Variants in UPRT observed in about 807,000 individuals in gnomAD.
UPRT encodes the protein RP11-311P8.3.
UPRT carries 5 observed loss-of-function variants against 22.6 expected under a neutral mutation model. That is an observed-to-expected ratio of 0.22 (90% CI 0.12 to 0.47). The LOEUF is 0.47. UPRT is among the 20% of genes least tolerant of loss of function. The pLI, the probability that UPRT is intolerant of heterozygous loss-of-function variation, is 0.99. For missense variants in UPRT, 181 were observed against 239.9 expected, an observed-to-expected ratio of 0.75 and a Z score of 1.62; for synonymous variants, 77 against 87.7, an observed-to-expected ratio of 0.88 and a Z score of 0.68.
intron 4 of UPRT, among the ~76,000 whole-genome samples, chrX:75,240,524 A>C (rs776558878): frequency 8.9e-6 from 1 of 112,081 alleles, no homozygotes; most frequent in Non-Finnish European, 1.9e-5. Context: ...CTATAAATTC[A>C]ATGCAATTCC....
intron 4 of UPRT, among the ~76,000 whole-genome samples, chrX:75,235,647 G>A (rs1034415626): frequency 4.5e-5 from 5 of 111,559 alleles, no homozygotes; most frequent in Admixed American, 9.5e-5. Flanking sequence ...TTCAATATAC[G>A]CAAATCAATA....
chrX:75,235,080 T>C (rs1472260629), intron 4 of UPRT, among the ~76,000 whole-genome samples: 6 of 109,385 alleles, frequency 5.5e-5, no homozygotes, highest in Non-Finnish European at 1.9e-5. Context: ...ATCAAATAGA[T>C]GCAAAAAAAA....
chrX:75,245,218 A>G (rs767586297), intron 4 of UPRT, among the ~76,000 whole-genome samples: 1 of 109,272 alleles, frequency 9.2e-6, no homozygotes, highest in Non-Finnish European at 1.9e-5. Flanking sequence ...AATCAAAACC[A>G]TAATGGGATA....
chrX:75,183,584 T>C (rs2082278720), intron 4 of UPRT, among the ~76,000 whole-genome samples: 1 of 111,964 alleles, frequency 8.9e-6, no homozygotes, highest in East Asian at 2.8e-4. Flanking sequence ...TCTAGATCCT[T>C]GAGGAATCGC....
rs760203405 is a variant in UPRT, at chrX:75,250,416, A to G, written c.-446-40608A>G. Among the ~76,000 whole-genome samples the G allele has an allele frequency of 2.0e-4, 22 of 111,288 alleles. 1 individual carries two copies. In the East Asian group the frequency reaches 5.4e-3, roughly 27 times the overall value. ...CCCACAGAAATACAAACTACCATGAAAGAATACTATAAACACCTCTATGCA... is the reference window on the plus strand; with the variant it reads ...CCCACAGAAATACAAACTACCATGAGAGAATACTATAAACACCTCTATGCA... On this transcript the variant is annotated intron_variant, in intron 4 of 13. Transcript: ENST00000652605.
At chrX:75,230,778 T>A (rs1191538654) in intron 4 of UPRT, among the ~76,000 whole-genome samples, 1 of 111,613 alleles carries the variant, frequency 9.0e-6, no homozygotes, top group African/African-American at 3.3e-5. Context: ...ATCCCAGGAC[T>A]CTTTGCAGAC....
At chrX:75,274,792 GT>G in intron 1 of UPRT, 152 bp downstream of exon 1, 1 of 453,801 alleles carries the variant, frequency 2.2e-6, no homozygotes, top group Non-Finnish European at 3.4e-6. Flanking sequence ...GTGTGTGTGT[GT>G]GTGTGTGTGT....
chrX:75,287,350 C>T (rs751129675), intron 1 of UPRT, among the ~76,000 whole-genome samples: 1 of 111,035 alleles, frequency 9.0e-6, no homozygotes, highest in Non-Finnish European at 1.9e-5. Flanking sequence ...GGAGAAGCTC[C>T]CCATGTTAAC....
At chrX:75,196,054 C>T (rs1276591085) in intron 4 of UPRT, among the ~76,000 whole-genome samples, 2 of 112,377 alleles carry the variant, frequency 1.8e-5, no homozygotes, top group African/African-American at 6.5e-5. Context: ...AAAAAAAAGT[C>T]GTTGGAATTT....
intron 4 of UPRT, among the ~76,000 whole-genome samples, chrX:75,207,427 G>C (rs1016503398): frequency 1.8e-5 from 2 of 111,567 alleles, no homozygotes; most frequent in African/African-American, 6.5e-5. Flanking sequence ...GAACCATGTA[G>C]GTGTTTCCCT....
intron 4 of UPRT, among the ~76,000 whole-genome samples, chrX:75,244,497 C>G (rs1253728917): frequency 9.0e-6 from 1 of 111,595 alleles, no homozygotes; most frequent in Admixed American, 9.6e-5. Flanking sequence ...ATCACATTAC[C>G]TGACTTCAAA....
chrX:75,249,760 C>G (rs1472746319), intron 4 of UPRT, among the ~76,000 whole-genome samples: 5 of 111,580 alleles, frequency 4.5e-5, no homozygotes, highest in Middle Eastern at 4.2e-3. Flanking sequence ...AATATACATT[C>G]TTCTCAGCAC....
At chrX:75,237,934 A>T (rs988638819) in intron 4 of UPRT, among the ~76,000 whole-genome samples, 3 of 111,032 alleles carry the variant, frequency 2.7e-5, no homozygotes, top group Non-Finnish European at 3.8e-5. Context: ...TGTACCCTAA[A>T]AGTTAAAGTA....
At chrX:75,188,358 C>T (rs867120085) in intron 4 of UPRT, among the ~76,000 whole-genome samples, 2 of 111,959 alleles carry the variant, frequency 1.8e-5, no homozygotes, top group Non-Finnish European at 3.8e-5. Context: ...CAGGGACCCA[C>T]CTGAGGAGGC....
intron 4 of UPRT, among the ~76,000 whole-genome samples, chrX:75,227,020 A>T (rs984051567): frequency 9.0e-6 from 1 of 111,006 alleles, no homozygotes; most frequent in South Asian, 3.8e-4. Context: ...CTCATTGCAA[A>T]TTGGGCACAA....
At chrX:75,190,756 C>T (rs1450917094) in intron 4 of UPRT, among the ~76,000 whole-genome samples, 1 of 112,125 alleles carries the variant, frequency 8.9e-6, no homozygotes, top group African/African-American at 3.2e-5. Flanking sequence ...ACCCTTTCTT[C>T]CAGTTGATTG....
intron 4 of UPRT, among the ~76,000 whole-genome samples, chrX:75,243,316 T>A (rs759123849): frequency 9.0e-6 from 1 of 111,682 alleles, no homozygotes; most frequent in Non-Finnish European, 1.9e-5. Flanking sequence ...ATTTTTTAAC[T>A]AAATTATTTC....
rs770474210 is a variant in UPRT, at chrX:75,202,506, T to TA, written c.-447+34633dup. 3.6e-5 allele frequency among the ~76,000 whole-genome samples: 4 copies of TA among 111,041 alleles called. No homozygotes were observed. In the East Asian group the frequency reaches 1.1e-3, roughly 31 times the overall value. On this transcript the variant is annotated intron_variant, in intron 4 of 13. Transcript: ENST00000652605. ...TATATTGCAAACTCAATTGAATAAA[T>TA]AAAAAAGGAGAAAAAAATAATTATA...
chrX:75,272,152 A>G (rs1401623688), upstream of UPRT, among the ~76,000 whole-genome samples: 2 of 108,328 alleles, frequency 1.8e-5, no homozygotes, highest in Non-Finnish European at 3.8e-5. Flanking sequence ...GAGGAAAAGA[A>G]GTCATTATAC....
Sources: allele counts gnomAD v4.1 joint callset (sites outside exome capture counted in the v4.1 genomes callset), GRCh38; gene constraint gnomAD v4.1.1; transcripts MANE v1.5; gene names NCBI Gene and HGNC (gene_info 2026-07-23, HGNC 2026-07-21).